Variants in RGS7 observed in about 807,000 individuals in gnomAD.
RGS7 encodes regulator of G protein signaling 7, also known as regulator of G-protein signaling 7.
In RGS7, 27 loss-of-function variants were observed where a neutral mutation model predicts 81.1. The ratio of observed to expected loss-of-function variants is 0.33; its 90% CI spans 0.25 to 0.46. The LOEUF (loss-of-function observed/expected upper bound fraction) is 0.46, where lower values mean the gene tolerates loss of function less well. RGS7 is among the 20% of genes least tolerant of loss of function. RGS7 has a pLI of 1.00. For synonymous variants in RGS7, 208 were observed against 207.7 expected (o/e 1.00, Z -0.01); for missense variants, 396 against 607.4 (o/e 0.65, Z 3.66).
rs534672314 is a variant in RGS7, at chr1:241,232,091, C to G, written c.78+123608G>C. On this transcript the variant is annotated intron_variant, in intron 2 of 18. Transcript: ENST00000440928. ...TTTGTTTAGAAAACAATGCTTACCC[C>G]CTTTGAATTGCCTTTACACCTATGT... Among the ~76,000 whole-genome samples, 68 of 152,262 alleles carry G rather than the reference C, an allele frequency of 4.5e-4. 1 individual carries two copies. The South Asian group carries it at 0.014, about 31-fold the overall frequency.
chr1:241,039,528 T>C (rs1191651260), intron 3 of RGS7, among the ~76,000 whole-genome samples: 1 of 152,082 alleles, frequency 6.6e-6, no homozygotes, highest in Admixed American at 6.6e-5. Flanking sequence ...GAAGGTAGAT[T>C]TAGAAGAGAT....
chr1:241,257,140 T>G (rs1165463301), intron 2 of RGS7, among the ~76,000 whole-genome samples: 1 of 151,994 alleles, frequency 6.6e-6, no homozygotes, highest in African/African-American at 2.4e-5. Flanking sequence ...ACCGGATAAT[T>G]TATAAGCAAC....
intron 5 of RGS7, among the ~76,000 whole-genome samples, chr1:240,934,159 T>C (rs1163782829): frequency 6.6e-6 from 1 of 152,142 alleles, no homozygotes; most frequent in Non-Finnish European, 1.5e-5. Flanking sequence ...AGATGACGTT[T>C]CACCATGTTG....
Position 240,932,658 on chromosome 1 carries a change from G to A in RGS7, c.334-1890C>T, listed in dbSNP as rs571180615. ...CAAGTAGCTGGGACTACAGGTGCCC[G>A]CCACCACGCCCAGCTGAGTTTTTGT... On this transcript the variant is annotated intron_variant, in intron 5 of 18. Coordinates refer to ENST00000440928, the MANE Select transcript of RGS7 (RefSeq NM_001364886.1). 2.7e-3 allele frequency among the ~76,000 whole-genome samples: 395 copies of A among 146,472 alleles called. 2 individuals carry two copies. The highest frequency in any genetic ancestry group is 3.3e-3 in the Non-Finnish European group (217 of 66,206).
chr1:241,135,048 A>C (rs2067402080), intron 2 of RGS7, among the ~76,000 whole-genome samples: 1 of 152,128 alleles, frequency 6.6e-6, no homozygotes, highest in Non-Finnish European at 1.5e-5. Flanking sequence ...CTGTTTACAG[A>C]GGACTATAAA....
chr1:241,338,199 C>T (rs1158274909), intron 2 of RGS7, among the ~76,000 whole-genome samples: 1 of 152,138 alleles, frequency 6.6e-6, no homozygotes, highest in African/African-American at 2.4e-5. Context: ...AACTCATCTC[C>T]ATGGTTAAGA....
intron 2 of RGS7, among the ~76,000 whole-genome samples, chr1:241,113,450 C>G (rs774216807): frequency 1.3e-5 from 2 of 152,072 alleles, no homozygotes; most frequent in African/African-American, 2.4e-5. Flanking sequence ...TCTCCACCAG[C>G]CAAGAGGACC....
intron 18 of RGS7, among the ~76,000 whole-genome samples, chr1:240,794,728 G>A (rs1276325893): frequency 6.6e-6 from 1 of 152,166 alleles, no homozygotes; most frequent in Non-Finnish European, 1.5e-5. Context: ...CTCCTACCCT[G>A]GCTCCATAGC....
At chr1:241,021,757 C>T (rs919583840) in intron 3 of RGS7, among the ~76,000 whole-genome samples, 1 of 152,108 alleles carries the variant, frequency 6.6e-6, no homozygotes, top group Non-Finnish European at 1.5e-5. Context: ...ATACCACTTT[C>T]GTACCTTATA....
At position 240,870,136 on chromosome 1, in the gene RGS7, T is replaced by C; in HGVS notation, c.386-17A>G. 1 of 1,612,114 alleles carries C rather than the reference T, an allele frequency of 6.2e-7. No individual in the cohort carries two copies. On this transcript the variant is annotated splice_polypyrimidine_tract_variant and intron_variant, in intron 6 of 18. Transcript: ENST00000440928. ...GGTAAACGGCTGAAAAAAAAATCAA[T>C]CATTTCTTGCCTGCTTATCAACACC...
At chr1:241,026,481 C>T (rs1480606603) in intron 3 of RGS7, among the ~76,000 whole-genome samples, 2 of 151,754 alleles carry the variant, frequency 1.3e-5, no homozygotes, top group Non-Finnish European at 2.9e-5. Context: ...TCCAGCTACT[C>T]GGGAGGCTGA....
At chr1:241,130,952 G>T (rs1412513586) in intron 2 of RGS7, among the ~76,000 whole-genome samples, 1 of 142,518 alleles carries the variant, frequency 7.0e-6, no homozygotes, top group African/African-American at 3.0e-5. Flanking sequence ...AAAACCAAGA[G>T]GCCAGATAAT....
At chr1:241,253,172 G>C (rs2076911232) in intron 2 of RGS7, among the ~76,000 whole-genome samples, 1 of 152,240 alleles carries the variant, frequency 6.6e-6, no homozygotes, top group Non-Finnish European at 1.5e-5. Flanking sequence ...ACTGTTGACA[G>C]ATTGGATGAG....
At chr1:240,914,990 C>A (rs891750039) in intron 6 of RGS7, among the ~76,000 whole-genome samples, 1 of 152,132 alleles carries the variant, frequency 6.6e-6, no homozygotes, top group African/African-American at 2.4e-5. Context: ...ATTAAAAACT[C>A]CTTTGAGGAT....
intron 18 of RGS7, among the ~76,000 whole-genome samples, chr1:240,781,207 T>C (rs1179335403): frequency 6.6e-6 from 1 of 152,226 alleles, no homozygotes; most frequent in Non-Finnish European, 1.5e-5. Context: ...TACTTTTTCA[T>C]AGCAGCCCAG....
intron 3 of RGS7, among the ~76,000 whole-genome samples, chr1:241,007,781 A>C (rs11801810): frequency 0.063 from 9,655 of 152,222 alleles, 365 homozygotes; most frequent in South Asian, 0.086. Context: ...GGCTGCTGGC[A>C]AGGAATTAGT....
chr1:241,245,476 A>C (rs184165472), intron 2 of RGS7, among the ~76,000 whole-genome samples: 119 of 150,972 alleles, frequency 7.9e-4, no homozygotes, highest in African/African-American at 2.6e-3. Flanking sequence ...TATGCCAATT[A>C]AACCTCTTTT....
intron 3 of RGS7, among the ~76,000 whole-genome samples, chr1:240,983,771 C>T (rs1685268318): frequency 6.6e-6 from 1 of 152,146 alleles, no homozygotes; most frequent in Non-Finnish European, 1.5e-5. Flanking sequence ...TGATCACACA[C>T]CATTGCCCCA....
At chr1:241,032,569 G>A (rs2060132303) in intron 3 of RGS7, among the ~76,000 whole-genome samples, 1 of 152,130 alleles carries the variant, frequency 6.6e-6, no homozygotes, top group South Asian at 2.1e-4. Context: ...GCTTTGTTAA[G>A]TATGGTCATT....
Sources: gnomAD v4.1 joint callset for allele counts (sites outside exome capture counted in the v4.1 genomes callset) on GRCh38, gnomAD v4.1.1 for gene constraint, MANE v1.5 for transcripts, NCBI Gene and HGNC (gene_info 2026-07-23, HGNC 2026-07-21) for gene names.